Variants in COLGALT2 observed in about 807,000 individuals in gnomAD.
COLGALT2 encodes the protein collagen beta(1-O)galactosyltransferase 2.
In COLGALT2, 49 loss-of-function variants were observed where a neutral mutation model predicts 73.4. The observed-to-expected ratio is 0.67, with a 90% CI of 0.53 to 0.85. The LOEUF is 0.85. Among genes scored for constraint, COLGALT2 ranks in the 40% least tolerant of loss-of-function variants. The probability of loss-of-function intolerance (pLI) is 0.00; values close to 1 mark genes in which losing one functional copy is unlikely to be tolerated. For missense variants in COLGALT2, 722 were observed against 790.2 expected (o/e 0.91, Z 1.03); for synonymous variants, 295 against 307.6 (o/e 0.96, Z 0.43).
chr1:183,977,828 G>A (rs1296875046), intron 2 of COLGALT2, among the ~76,000 whole-genome samples: 1 of 134,160 alleles, frequency 7.5e-6, no homozygotes, highest in African/African-American at 2.7e-5. Flanking sequence ...GAGAGAGAGA[G>A]AGAGAGAAAG....
At chr1:183,941,658 T>C (rs1404304449) in intron 10 of COLGALT2, among the ~76,000 whole-genome samples, 1 of 152,220 alleles carries the variant, frequency 6.6e-6, no homozygotes, top group East Asian at 1.9e-4. Flanking sequence ...GGATTCCCCC[T>C]TGTGAAAGCA....
At position 183,937,571 on chromosome 1, in the gene COLGALT2, T is replaced by C. The variant is rs1669989455; in HGVS notation, c.*1190A>G. 7.1e-6 allele frequency: 7 copies of C among 985,230 alleles called. No homozygotes were observed. Among genetic ancestry groups the C allele is most frequent in the South Asian group, 4.7e-5 (1 of 21,276 alleles). The allele number at this position is 985,230 out of a possible 1,614,324, so 61.0% of individuals were successfully genotyped here. ...CAGGTTTCTCACCTGAGATAGAGAATCATTTGTTTCCAAATAGTTCAAATC... is the reference window on the plus strand; with the variant it reads ...CAGGTTTCTCACCTGAGATAGAGAACCATTTGTTTCCAAATAGTTCAAATC... On this transcript the variant is annotated 3_prime_UTR_variant, in exon 12 of 12. Coordinates refer to ENST00000361927, the MANE Select transcript of COLGALT2 (RefSeq NM_015101.4).
rs1670027492 is a variant in COLGALT2 at position 183,938,630 on chromosome 1, A to AGT, written c.*130_*131insAC. On this transcript the variant is annotated 3_prime_UTR_variant, in exon 12 of 12. Transcript: ENST00000361927. ...TATGTTAATTTCGATCTATCACACT[A>AGT]GATCACTTTGGTTAGATGACTGTGA... The AGT allele has an allele frequency of 2.0e-5, 29 of 1,459,540 alleles. No homozygotes were observed. Among genetic ancestry groups the AGT allele is most frequent in the Non-Finnish European group, 2.4e-5 (26 of 1,104,076 alleles). 90.4% of individuals were successfully genotyped at this position (1,459,540 alleles called of 1,614,324 possible). A position where few individuals can be genotyped will look rare whatever the true frequency, so the allele number is the denominator to read the frequency against.
At chr1:183,973,942 C>T (rs544813199) in intron 3 of COLGALT2, among the ~76,000 whole-genome samples, 192 bp from the exon 4 acceptor site, 20 of 152,280 alleles carry the variant, frequency 1.3e-4, no homozygotes, top group African/African-American at 3.1e-4. Context: ...GTCTAACTTT[C>T]GTATGTTGGG....
At chr1:183,997,743 C>T (rs1301701993) in intron 1 of COLGALT2, among the ~76,000 whole-genome samples, 4 of 152,172 alleles carry the variant, frequency 2.6e-5, no homozygotes, top group Non-Finnish European at 5.9e-5. Context: ...ATACTTTAGG[C>T]TGTTTTTGAA....
chr1:183,937,675 C>T lies in COLGALT2; in HGVS notation c.*1086G>A, dbSNP rs1374981160. The T allele has an allele frequency of 5.1e-6, 5 of 985,324 alleles. No individual in the cohort carries two copies. The African/African-American group carries it at 7.0e-5, about 14-fold the overall frequency. The allele number at this position is 985,324 out of a possible 1,614,324, so 61.0% of individuals were successfully genotyped here. On this transcript the variant is annotated 3_prime_UTR_variant, in exon 12 of 12. Transcript: ENST00000361927. ...AGATTGCCGAACCAATGTGTCCACA[C>T]CCACCACTCCCCCGGGTGCCGTGGA... is the stretch of plus-strand genomic sequence containing the variant.
intron 1 of COLGALT2, among the ~76,000 whole-genome samples, chr1:183,994,431 C>T (rs1041457614): frequency 1.3e-5 from 2 of 151,496 alleles, no homozygotes; most frequent in Non-Finnish European, 2.9e-5. Flanking sequence ...AATGGATCCA[C>T]GATTCAAGCC....
intron 1 of COLGALT2, among the ~76,000 whole-genome samples, chr1:184,015,743 G>A (rs1470139317): frequency 6.6e-6 from 1 of 152,190 alleles, no homozygotes; most frequent in African/African-American, 2.4e-5. Flanking sequence ...TGAAGGAGAG[G>A]TGATGCTTTA....
chr1:183,932,921 A>G (rs1472117786), downstream of COLGALT2, among the ~76,000 whole-genome samples: 1 of 152,118 alleles, frequency 6.6e-6, no homozygotes, highest in East Asian at 1.9e-4. Flanking sequence ...GTCTGTCCAC[A>G]GTCCCTGTGT....
At chr1:183,941,754 G>C (rs1186700064) in intron 10 of COLGALT2, among the ~76,000 whole-genome samples, 2 of 152,226 alleles carry the variant, frequency 1.3e-5, no homozygotes, top group Non-Finnish European at 2.9e-5. Flanking sequence ...TCTCTCTTCA[G>C]ATTACGGAGT....
At chr1:183,976,688 G>T (rs186091464) in intron 2 of COLGALT2, among the ~76,000 whole-genome samples, 1 of 152,092 alleles carries the variant, frequency 6.6e-6, no homozygotes, top group Non-Finnish European at 1.5e-5. Flanking sequence ...GGAATATAAA[G>T]TGTTTATATA....
rs1360659942 is a variant in COLGALT2, at chr1:183,954,852, G to T, written c.953-14C>A. ...GAGGACGGTCAACTGGAAGACACAA[G>T]AAACATGCAGAGTGCTTTGTTAATG... On this transcript the variant is annotated splice_polypyrimidine_tract_variant and intron_variant, in intron 6 of 11. Transcript: ENST00000361927. The T allele has an allele frequency of 6.3e-7, 1 of 1,593,244 alleles. No individual in the cohort carries two copies. The highest frequency in any genetic ancestry group is 8.6e-7 in the Non-Finnish European group (1 of 1,161,406).
chr1:183,963,994 C>G lies in COLGALT2; in HGVS notation c.859G>C (p.Glu287Gln), dbSNP rs549461092. The G allele has an allele frequency of 2.5e-5, 40 of 1,613,404 alleles. No individual in the cohort carries two copies. In the South Asian group the frequency reaches 3.7e-4, roughly 15 times the overall value. Residue 287 changes from glutamate to glutamine, a missense_variant, in exon 6 of 12, where the codon GAG (glutamate) becomes CAG (glutamine). Coordinates refer to ENST00000361927, the MANE Select transcript of COLGALT2 (RefSeq NM_015101.4). Reference sequence around the variant, plus strand: ...GGGATGGGCAGGTAGCCATAGTGCTCTCTGTTGCAGAGGTACATCTGGATG... The same window carrying G: ...GGGATGGGCAGGTAGCCATAGTGCTGTCTGTTGCAGAGGTACATCTGGATG... ...AGIQMYLCNR[E>Q]HYGYLPIPLK...
At chr1:184,023,653 G>GC (rs1431717983) in intron 1 of COLGALT2, among the ~76,000 whole-genome samples, 1 of 151,666 alleles carries the variant, frequency 6.6e-6, no homozygotes, top group East Asian at 1.9e-4. Context: ...TGGGGGGGGG[G>GC]GGCGGTGCCG....
At chr1:183,941,509 C>T (rs2986545) in intron 10 of COLGALT2, among the ~76,000 whole-genome samples, 25,165 of 152,244 alleles carry the variant, frequency 0.17, 2,303 homozygotes, top group Admixed American at 0.25. Flanking sequence ...ACCCATGGAT[C>T]TGTGCTCCAT....
intron 6 of COLGALT2, among the ~76,000 whole-genome samples, chr1:183,960,746 G>T (rs180904939): frequency 5.3e-5 from 8 of 152,052 alleles, no homozygotes; most frequent in Non-Finnish European, 8.8e-5. Flanking sequence ...TTCTTAAAAC[G>T]CTATGTGATT....
At chr1:183,972,840 T>C (rs7533146) in intron 4 of COLGALT2, among the ~76,000 whole-genome samples, 68,172 of 152,024 alleles carry the variant, frequency 0.45, 18,035 homozygotes, top group African/African-American at 0.72. Context: ...GCTGGGACTA[T>C]AGGCGCCCAA....
At chr1:183,970,167 GT>G (rs1402818115) in intron 4 of COLGALT2, among the ~76,000 whole-genome samples, 1 of 152,226 alleles carries the variant, frequency 6.6e-6, no homozygotes, top group Non-Finnish European at 1.5e-5. Context: ...CTGCTCCATA[GT>G]TTTTGGGGAT....
chr1:183,936,872 G>A lies in COLGALT2; in HGVS notation c.*1889C>T, dbSNP rs991668035. On this transcript the variant is annotated 3_prime_UTR_variant, in exon 12 of 12. Coordinates refer to ENST00000361927, the MANE Select transcript of COLGALT2 (RefSeq NM_015101.4). ...TGTAGAAGGGTACCCACAGTGAGTC[G>A]GGAAGGAAGGCCGAGGCTGGCGTCT... is the stretch of plus-strand genomic sequence containing the variant. 99 of 1,231,646 alleles carry A rather than the reference G, an allele frequency of 8.0e-5. No homozygotes were observed. Among genetic ancestry groups the A allele is most frequent in the African/African-American group, 9.3e-5 (6 of 64,396 alleles). 76.3% of individuals were successfully genotyped at this position (1,231,646 alleles called of 1,614,324 possible).
Sources: gnomAD v4.1 joint callset for allele counts (sites outside exome capture counted in the v4.1 genomes callset) on GRCh38, gnomAD v4.1.1 for gene constraint, MANE v1.5 for transcripts, NCBI Gene and HGNC (gene_info 2026-07-23, HGNC 2026-07-21) for gene names.